RALGPS2: variants seen among roughly 807,000 people sequenced by gnomAD.
RALGPS2 encodes ras-specific guanine nucleotide-releasing factor RalGPS2.
RALGPS2 carries 43 observed loss-of-function variants against 86.8 expected under a neutral mutation model. That is an observed-to-expected ratio of 0.50 (90% CI 0.39 to 0.64). The LOEUF (loss-of-function observed/expected upper bound fraction) is 0.64, where lower values mean the gene tolerates loss of function less well. RALGPS2 is among the 30% of genes least tolerant of loss of function. The probability of loss-of-function intolerance (pLI) is 0.00; values close to 1 mark genes in which losing one functional copy is unlikely to be tolerated. For missense variants in RALGPS2, 536 were observed against 694.6 expected, an observed-to-expected ratio of 0.77 and a Z score of 2.57; for synonymous variants, 243 against 231.3, an observed-to-expected ratio of 1.05 and a Z score of -0.46.
intron 8 of RALGPS2, among the ~76,000 whole-genome samples, chr1:178,845,530 AAGT>A (rs2102277770): frequency 6.6e-6 from 1 of 152,304 alleles, no homozygotes; most frequent in African/African-American, 2.4e-5. Context: ...TCTAGAACAA[AAGT>A]AGTCATATAA....
chr1:178,878,863 T>G (rs1659108146), intron 9 of RALGPS2, 39 bp from the exon 10 acceptor site: 14 of 1,601,650 alleles, frequency 8.7e-6, no homozygotes, highest in African/African-American at 1.3e-5. Flanking sequence ...CTGGTTAAGA[T>G]GTACTTTATC....
At position 178,852,732 on chromosome 1, in the gene RALGPS2, A is replaced by G. The variant is rs775471958; in HGVS notation, c.607+19182A>G. 8.7e-6 allele frequency: 14 copies of G among 1,613,768 alleles called. No homozygotes were observed. In the African/African-American group the frequency reaches 1.7e-4, roughly 20 times the overall value. On this transcript the variant is annotated intron_variant, in intron 8 of 19. Coordinates refer to ENST00000367635, the MANE Select transcript of RALGPS2 (RefSeq NM_152663.5). ...CCAGTGTGGTGAATTGTTTACCATTATGCCACATCATAGAATCCCCTGCAT... is the reference window on the plus strand; with the variant it reads ...CCAGTGTGGTGAATTGTTTACCATTGTGCCACATCATAGAATCCCCTGCAT...
chr1:178,837,505 A>G (rs907740274), intron 8 of RALGPS2, among the ~76,000 whole-genome samples: 5 of 152,134 alleles, frequency 3.3e-5, no homozygotes, highest in African/African-American at 1.2e-4. Context: ...AGTAAAATGT[A>G]TGTGTCTGAG....
chr1:178,750,458 T>C (rs1479320744), intron 1 of RALGPS2, among the ~76,000 whole-genome samples: 4 of 152,240 alleles, frequency 2.6e-5, no homozygotes, highest in Admixed American at 6.5e-5. Flanking sequence ...GGTGGCTCAT[T>C]GCAAATAAAA....
At chr1:178,860,958 A>G (rs1657962937) in intron 8 of RALGPS2, among the ~76,000 whole-genome samples, 1 of 152,238 alleles carries the variant, frequency 6.6e-6, no homozygotes, top group South Asian at 2.1e-4. Context: ...TTGTGTAAGG[A>G]AAATAGCCAG....
At chr1:178,846,219 A>G (rs983262950) in intron 8 of RALGPS2, among the ~76,000 whole-genome samples, 9 of 152,170 alleles carry the variant, frequency 5.9e-5, no homozygotes, top group Non-Finnish European at 7.4e-5. Flanking sequence ...TCAATATGTA[A>G]GGCTCTGACA....
chr1:178,771,293 G>A (rs1216199792), intron 1 of RALGPS2, among the ~76,000 whole-genome samples: 3 of 152,136 alleles, frequency 2.0e-5, no homozygotes, highest in Non-Finnish European at 2.9e-5. Flanking sequence ...TATCTCTTGA[G>A]TTTCCTTTAA....
At position 178,811,412 on chromosome 1, in the gene RALGPS2, A is replaced by C; in HGVS notation, c.387+8A>C. 6.6e-7 allele frequency: 1 copy of C among 1,509,144 alleles called. No individual in the cohort carries two copies. The highest frequency in any genetic ancestry group is 8.9e-7 in the Non-Finnish European group (1 of 1,129,072). The allele number at this position is 1,509,144 out of a possible 1,614,324, so 93.5% of individuals were successfully genotyped here. ...TATATTAAAACTGCTAAGGTAAGAA[A>C]AACTTGTGTTTTTATTTTTGAGTTC... On this transcript the variant is annotated splice_region_variant and intron_variant, in intron 6 of 19. Coordinates refer to ENST00000367635, the MANE Select transcript of RALGPS2 (RefSeq NM_152663.5).
intron 4 of RALGPS2, among the ~76,000 whole-genome samples, chr1:178,794,392 G>A (rs184518299): frequency 2.6e-5 from 4 of 152,268 alleles, no homozygotes; most frequent in African/African-American, 4.8e-5. Context: ...GGGATTACAG[G>A]TGTGAGCCAC....
At chr1:178,821,779 T>G (rs1655520035) in intron 7 of RALGPS2, 75 bp downstream of exon 7, 3 of 1,149,054 alleles carry the variant, frequency 2.6e-6, no homozygotes, top group South Asian at 1.4e-5. Context: ...TCCTTTGTAA[T>G]TCTTATTAAA....
intron 4 of RALGPS2, among the ~76,000 whole-genome samples, chr1:178,799,705 C>A (rs1178145786): frequency 6.6e-6 from 1 of 152,090 alleles, no homozygotes; most frequent in Non-Finnish European, 1.5e-5. Context: ...GAGCAATGCG[C>A]CTGGCCACCC....
At chr1:178,814,093 A>G (rs2039537) in intron 6 of RALGPS2, among the ~76,000 whole-genome samples, 2,149 of 152,226 alleles carry the variant, frequency 0.014, 53 homozygotes, top group African/African-American at 0.049. Flanking sequence ...AATGGGAACT[A>G]CTGCCTTGAA....
At chr1:178,849,058 A>C (rs1472574552) in intron 8 of RALGPS2, among the ~76,000 whole-genome samples, 1 of 152,238 alleles carries the variant, frequency 6.6e-6, no homozygotes, top group Non-Finnish European at 1.5e-5. Flanking sequence ...TACGAATGTC[A>C]AGCATTATTC....
At chr1:178,774,462 G>A (rs1652980713) in intron 1 of RALGPS2, among the ~76,000 whole-genome samples, 1 of 152,044 alleles carries the variant, frequency 6.6e-6, no homozygotes, top group South Asian at 2.1e-4. Flanking sequence ...TTAGCACTAG[G>A]GGGCACCCCT....
chr1:178,880,517 A>G (rs1659200771), intron 10 of RALGPS2, among the ~76,000 whole-genome samples: 1 of 152,290 alleles, frequency 6.6e-6, no homozygotes, highest in Non-Finnish European at 1.5e-5. Flanking sequence ...TGTTTCACAA[A>G]TCTGTTGCCC....
rs1256752579 is a variant in RALGPS2, at chr1:178,897,767, G to C, written c.1524+11G>C. 2 of 1,599,106 alleles carry C rather than the reference G, an allele frequency of 1.3e-6. No individual in the cohort carries two copies. The highest frequency in any genetic ancestry group is 4.5e-5 in the East Asian group (2 of 44,762). On this transcript the variant is annotated intron_variant, in intron 17 of 19. Coordinates refer to ENST00000367635, the MANE Select transcript of RALGPS2 (RefSeq NM_152663.5). ...ACCGAAAGAAAACATGTAAGTATTT[G>C]TTCTCTACATTTTTAGCGTGGTTTC...
intron 8 of RALGPS2, among the ~76,000 whole-genome samples, chr1:178,854,444 A>G (rs538872448): frequency 1.3e-4 from 20 of 152,152 alleles, no homozygotes; most frequent in Non-Finnish European, 2.5e-4. Flanking sequence ...CATATTAAAG[A>G]CTGAAAAGCC....
chr1:178,761,195 C>T (rs962457376), intron 1 of RALGPS2, among the ~76,000 whole-genome samples: 5 of 152,052 alleles, frequency 3.3e-5, no homozygotes, highest in Admixed American at 1.3e-4. Context: ...AGGCTGGTCT[C>T]GATCTTCTGG....
At chr1:178,908,097 A>C (rs1003228528) in intron 19 of RALGPS2, among the ~76,000 whole-genome samples, 1 of 151,146 alleles carries the variant, frequency 6.6e-6, no homozygotes, top group Non-Finnish European at 1.5e-5. Flanking sequence ...CACCCTCCCC[A>C]CTCTGGTAAT....
Sources: gnomAD v4.1 joint callset for allele counts (sites outside exome capture counted in the v4.1 genomes callset) on GRCh38, gnomAD v4.1.1 for gene constraint, MANE v1.5 for transcripts, NCBI Gene and HGNC (gene_info 2026-07-23, HGNC 2026-07-21) for gene names.